Variants in LOC128462377 observed in about 807,000 individuals in gnomAD.
At chr16:89,407,591 C>T in the LOC128462377 span, among the ~76,000 whole-genome samples, 7 of 152,212 alleles carry the variant, frequency 4.6e-5, no homozygotes, top group Non-Finnish European at 1.0e-4. Flanking sequence ...GAGGCCGAGG[C>T]AGGTGGATTG....
the LOC128462377 span, among the ~76,000 whole-genome samples, chr16:89,327,805 G>A: frequency 5.3e-5 from 8 of 152,228 alleles, no homozygotes; most frequent in East Asian, 1.2e-3. Flanking sequence ...GAAAAAACAG[G>A]AGAAAATCTT....
At chr16:89,321,766 A>G in the LOC128462377 span, among the ~76,000 whole-genome samples, 8 of 152,122 alleles carry the variant, frequency 5.3e-5, no homozygotes, top group Admixed American at 5.2e-4. Context: ...ATGTAAGCAG[A>G]GCTGACCATG....
chr16:89,319,226 G>A, the LOC128462377 span, among the ~76,000 whole-genome samples: 2 of 152,310 alleles, frequency 1.3e-5, no homozygotes, highest in African/African-American at 4.8e-5. Flanking sequence ...CAGACCCCAC[G>A]GCCTCCGGAC....
At chr16:89,395,919 T>C in the LOC128462377 span, 1 of 152,184 alleles carries the variant, frequency 6.6e-6, no homozygotes, top group Non-Finnish European at 1.5e-5. Context: ...ATATCCTTCA[T>C]GACAAAACAA....
the LOC128462377 span, among the ~76,000 whole-genome samples, chr16:89,368,493 T>G: frequency 6.8e-6 from 1 of 147,184 alleles, no homozygotes; most frequent in Non-Finnish European, 1.5e-5. Flanking sequence ...GTGCTGGGAT[T>G]ACAGGCATGA....
chr16:89,379,082 A>C, the LOC128462377 span, among the ~76,000 whole-genome samples: 12 of 152,338 alleles, frequency 7.9e-5, no homozygotes, highest in East Asian at 2.3e-3. Context: ...CCATGCCCAG[A>C]ACGTCGGCAG....
At chr16:89,379,232 G>A in the LOC128462377 span, among the ~76,000 whole-genome samples, 1 of 152,240 alleles carries the variant, frequency 6.6e-6, no homozygotes, top group Non-Finnish European at 1.5e-5. Flanking sequence ...CTGTATGTGC[G>A]TCACAGGCTC....
the LOC128462377 span, chr16:89,343,642 G>C: frequency 6.6e-6 from 1 of 152,228 alleles, no homozygotes; most frequent in Non-Finnish European, 1.5e-5. Flanking sequence ...GGCAGCAACT[G>C]GCCGGAACTT....
At chr16:89,389,185 A>ATT in the LOC128462377 span, among the ~76,000 whole-genome samples, 3 of 146,572 alleles carry the variant, frequency 2.0e-5, no homozygotes, top group Non-Finnish European at 4.5e-5. Flanking sequence ...CGTCTGGCTA[A>ATT]TTTTTTTTTT....
the LOC128462377 span, among the ~76,000 whole-genome samples, chr16:89,363,982 C>T: frequency 6.6e-6 from 1 of 152,122 alleles, no homozygotes; most frequent in South Asian, 2.1e-4. Context: ...ACAGCTTGAG[C>T]CCGGGAGTTG....
the LOC128462377 span, among the ~76,000 whole-genome samples, chr16:89,326,784 T>A: frequency 1.3e-5 from 2 of 151,772 alleles, no homozygotes; most frequent in Non-Finnish European, 2.9e-5. Context: ...AACCGGGGCA[T>A]GAAAAAGTGC....
chr16:89,389,873 G>C, the LOC128462377 span, among the ~76,000 whole-genome samples: 1 of 133,662 alleles, frequency 7.5e-6, no homozygotes. Flanking sequence ...AAGATCACTG[G>C]GGCGAACACC....
chr16:89,355,174 T>G, the LOC128462377 span, among the ~76,000 whole-genome samples: 1 of 152,050 alleles, frequency 6.6e-6, no homozygotes, highest in African/African-American at 2.4e-5. Context: ...CATACTCCCA[T>G]CCCAGGCGAA....
the LOC128462377 span, among the ~76,000 whole-genome samples, chr16:89,372,126 C>G: frequency 6.6e-6 from 1 of 152,216 alleles, no homozygotes; most frequent in Non-Finnish European, 1.5e-5. Flanking sequence ...CATGCACACA[C>G]GGGCAACTTT....
the LOC128462377 span, among the ~76,000 whole-genome samples, chr16:89,391,305 G>A: frequency 2.6e-5 from 4 of 151,926 alleles, no homozygotes; most frequent in African/African-American, 9.7e-5. Context: ...TCGCTGAGAA[G>A]CACAGCCACA....
chr16:89,342,817 C>T, the LOC128462377 span, among the ~76,000 whole-genome samples: 1 of 152,118 alleles, frequency 6.6e-6, no homozygotes, highest in Non-Finnish European at 1.5e-5. Flanking sequence ...ACAGAATAAC[C>T]AAACTTTTGT....
At chr16:89,328,602 C>A in the LOC128462377 span, among the ~76,000 whole-genome samples, 1 of 148,398 alleles carries the variant, frequency 6.7e-6, no homozygotes, top group Non-Finnish European at 1.5e-5. Context: ...GGTGAATCTG[C>A]AGAGGCCCCT....
the LOC128462377 span, chr16:89,373,053 T>A: frequency 6.6e-6 from 1 of 152,264 alleles, no homozygotes; most frequent in African/African-American, 2.4e-5. Flanking sequence ...ACCGTTCCTC[T>A]GTCCCCATTG....
At chr16:89,330,669 G>C in the LOC128462377 span, among the ~76,000 whole-genome samples, 1 of 57,202 alleles carries the variant, frequency 1.7e-5, no homozygotes, top group Non-Finnish European at 3.8e-5. Flanking sequence ...GGGGGGGGGG[G>C]GGGGGGCGGG....
Sources: allele counts gnomAD v4.1 joint callset (sites outside exome capture counted in the v4.1 genomes callset), GRCh38; gene constraint gnomAD v4.1.1; transcripts MANE v1.5.